The following TRAPPC9 variants were observed in gnomAD, a reference collection of about 807,000 sequenced individuals.
TRAPPC9 encodes the protein IKK2 binding protein.
In TRAPPC9, 83 loss-of-function variants were observed where a neutral mutation model predicts 124.0. That is an observed-to-expected ratio of 0.67 (90% CI 0.56 to 0.80). TRAPPC9 has a LOEUF of 0.80. Among genes scored for constraint, TRAPPC9 ranks in the 30% least tolerant of loss-of-function variants. The pLI is 0.00. For synonymous variants in TRAPPC9, 638 were observed against 617.5 expected, an observed-to-expected ratio of 1.03 and a Z score of -0.49; for missense variants, 1,302 against 1,508.3, an observed-to-expected ratio of 0.86 and a Z score of 2.27.
intron 6 of TRAPPC9, among the ~76,000 whole-genome samples, chr8:140,400,566 C>G (rs1386288589): frequency 6.6e-6 from 1 of 152,208 alleles, no homozygotes; most frequent in Non-Finnish European, 1.5e-5. Context: ...GTTCCTACTT[C>G]TCAGTTCCTA....
At chr8:140,009,700 C>A (rs1265696652) in intron 18 of TRAPPC9, among the ~76,000 whole-genome samples, 1 of 152,248 alleles carries the variant, frequency 6.6e-6, no homozygotes, top group African/African-American at 2.4e-5. Flanking sequence ...CCGCCCGTGG[C>A]GCAACAGCAC....
chr8:139,919,418 C>T (rs747317866), intron 19 of TRAPPC9, among the ~76,000 whole-genome samples: 6 of 152,102 alleles, frequency 3.9e-5, no homozygotes, highest in African/African-American at 7.2e-5. Flanking sequence ...AAGTGGACGA[C>T]GGTGATGGTT....
intron 17 of TRAPPC9, among the ~76,000 whole-genome samples, chr8:140,064,484 G>A (rs890701677): frequency 6.6e-6 from 1 of 152,122 alleles, no homozygotes; most frequent in Non-Finnish European, 1.5e-5. Context: ...GATAGCACAC[G>A]TTGCATGCCA....
At chr8:139,948,706 C>T (rs938441271) in intron 19 of TRAPPC9, among the ~76,000 whole-genome samples, 8 of 152,202 alleles carry the variant, frequency 5.3e-5, no homozygotes, top group African/African-American at 1.2e-4. Flanking sequence ...CCAGGCCTCA[C>T]GCACAGGTGC....
intron 10 of TRAPPC9, among the ~76,000 whole-genome samples, chr8:140,309,651 G>C (rs546667449): frequency 6.6e-6 from 1 of 152,354 alleles, no homozygotes; most frequent in Admixed American, 6.5e-5. Flanking sequence ...TATTAAGAAA[G>C]GCTTTTCTAG....
intron 17 of TRAPPC9, among the ~76,000 whole-genome samples, chr8:140,106,615 G>A (rs1279664185): frequency 6.6e-6 from 1 of 152,136 alleles, no homozygotes; most frequent in African/African-American, 2.4e-5. Context: ...AGTGAGGTAG[G>A]ACAGGGAAAC....
chr8:140,045,676 G>A (rs1036818686), intron 17 of TRAPPC9, among the ~76,000 whole-genome samples: 1 of 140,874 alleles, frequency 7.1e-6, no homozygotes, highest in Admixed American at 7.3e-5. Context: ...CAGGTCCTTT[G>A]CTTCTGCTTG....
chr8:140,290,270 A>C (rs1266533727), intron 12 of TRAPPC9, among the ~76,000 whole-genome samples: 1 of 152,200 alleles, frequency 6.6e-6, no homozygotes, highest in African/African-American at 2.4e-5. Context: ...ACTCTAAAAG[A>C]CAACATCCAT....
In TRAPPC9 at chr8:139,792,037, A is replaced by C. The variant is rs564302851; in HGVS notation, c.3056-59835T>G. Among the ~76,000 whole-genome samples, 3 of 152,186 alleles carry C rather than the reference A, an allele frequency of 2.0e-5. No homozygotes were observed. The East Asian group carries it at 5.8e-4, about 29-fold the overall frequency. ...AGGGAGCCCTCCCTGATTTCCCCCAAATAAAACAGGCTCTTGCCCGCCGCC... is the reference window on the plus strand; with the variant it reads ...AGGGAGCCCTCCCTGATTTCCCCCACATAAAACAGGCTCTTGCCCGCCGCC... On this transcript the variant is annotated intron_variant, in intron 21 of 22. Transcript: ENST00000438773.
At chr8:139,873,484 T>C (rs1220284719) in intron 21 of TRAPPC9, among the ~76,000 whole-genome samples, 1 of 152,124 alleles carries the variant, frequency 6.6e-6, no homozygotes, top group Non-Finnish European at 1.5e-5. Flanking sequence ...GTAAGCCAAC[T>C]GCTCCCTGCA....
intron 16 of TRAPPC9, among the ~76,000 whole-genome samples, chr8:140,242,922 C>T (rs537014068): frequency 1.3e-5 from 2 of 151,830 alleles, no homozygotes; most frequent in Admixed American, 1.3e-4. Context: ...ATTTCAATGG[C>T]GGAAAAGTAC....
At chr8:140,172,683 G>A (rs1390837881) in intron 17 of TRAPPC9, among the ~76,000 whole-genome samples, 1 of 152,178 alleles carries the variant, frequency 6.6e-6, no homozygotes, top group Non-Finnish European at 1.5e-5. Context: ...CGCACACTGT[G>A]CTAAATGCTT....
At chr8:140,345,743 G>T (rs139085392) in intron 9 of TRAPPC9, among the ~76,000 whole-genome samples, 5 of 152,212 alleles carry the variant, frequency 3.3e-5, no homozygotes, top group Admixed American at 6.5e-5. Flanking sequence ...GGGAACACTC[G>T]GGGAGGAAGA....
chr8:140,103,648 C>T (rs1385216825), intron 17 of TRAPPC9, among the ~76,000 whole-genome samples: 1 of 152,208 alleles, frequency 6.6e-6, no homozygotes, highest in East Asian at 1.9e-4. Flanking sequence ...TAATAAGTAG[C>T]AATGAAGAAT....
At chr8:139,772,154 C>T (rs1821011118) in intron 21 of TRAPPC9, among the ~76,000 whole-genome samples, 1 of 152,228 alleles carries the variant, frequency 6.6e-6, no homozygotes, top group Non-Finnish European at 1.5e-5. Flanking sequence ...GGAAGGTGAT[C>T]ATTAAGCCAA....
At chr8:139,937,153 T>C (rs1295478652) in intron 19 of TRAPPC9, among the ~76,000 whole-genome samples, 1 of 152,136 alleles carries the variant, frequency 6.6e-6, no homozygotes, top group African/African-American at 2.4e-5. Flanking sequence ...AGGAGGGGGC[T>C]GCTTTAGCCC....
At chr8:140,367,438 T>G (rs1172194731) in intron 8 of TRAPPC9, among the ~76,000 whole-genome samples, 1 of 152,152 alleles carries the variant, frequency 6.6e-6, no homozygotes, top group Non-Finnish European at 1.5e-5. Flanking sequence ...TGAAGGAAAC[T>G]TAAATGTATA....
chr8:140,312,926 A>AT (rs1178836676), intron 9 of TRAPPC9, among the ~76,000 whole-genome samples: 1 of 151,904 alleles, frequency 6.6e-6, no homozygotes, highest in Non-Finnish European at 1.5e-5. Flanking sequence ...TGCTTGGCTG[A>AT]TTTTTTAATT....
intron 9 of TRAPPC9, among the ~76,000 whole-genome samples, chr8:140,345,034 C>T (rs913135010): frequency 6.6e-6 from 1 of 152,210 alleles, no homozygotes; most frequent in Non-Finnish European, 1.5e-5. Context: ...GGGCACCCTG[C>T]GCCCTGTGCT....
Sources: gnomAD v4.1 joint callset for allele counts (sites outside exome capture counted in the v4.1 genomes callset) on GRCh38, gnomAD v4.1.1 for gene constraint, MANE v1.5 for transcripts, NCBI Gene and HGNC (gene_info 2026-07-23, HGNC 2026-07-21) for gene names.